Variants in SLC30A5 observed in about 807,000 individuals in gnomAD.
SLC30A5 encodes solute carrier family 30 member 5.
Under a neutral mutation model 79.6 loss-of-function variants are expected in SLC30A5, and 33 were observed. The observed-to-expected ratio is 0.41, with a 90% CI of 0.31 to 0.55. SLC30A5 has a LOEUF of 0.55. SLC30A5 is among the 20% of genes least tolerant of loss of function. The pLI is 0.20. For synonymous variants in SLC30A5, 299 were observed against 319.7 expected (o/e 0.94, Z 0.69); for missense variants, 788 against 928.1 (o/e 0.85, Z 1.96).
At position 69,113,165 on chromosome 5, in the gene SLC30A5, T is replaced by C; in HGVS notation, c.473T>C (p.Ile158Thr). 6.2e-7 allele frequency: 1 copy of C among 1,613,200 alleles called. No individual in the cohort carries two copies. Residue 158 changes from isoleucine (I) to threonine (T), a missense_variant, in exon 6 of 16, where the codon ATT becomes ACT. Ile to Thr is a moderately conservative substitution (Grantham distance 89). Coordinates refer to ENST00000396591, the MANE Select transcript of SLC30A5 (RefSeq NM_022902.5). Reference sequence around the variant, plus strand: ...ACAAGGGGAGCTGCTTTTTTCATTATTGCTGTGATCTGTTTATTGCTTTTT... The same window carrying C: ...ACAAGGGGAGCTGCTTTTTTCATTACTGCTGTGATCTGTTTATTGCTTTTT... ...AKTRGAAFFI[I>T]AVICLLLFDN...
chr5:69,115,846 T>A, intron 8 of SLC30A5, 80 bp from the exon 9 acceptor site: 1 of 1,218,398 alleles, frequency 8.2e-7, no homozygotes, highest in Non-Finnish European at 1.2e-6. Flanking sequence ...TTTATTTTTT[T>A]AAAAGATTAA....
chr5:69,116,131 C>T lies in SLC30A5; in HGVS notation c.989C>T (p.Ala330Val). Residue 330 changes from alanine (A) to valine (V), a missense_variant, in exon 9 of 16, where the codon GCT becomes GTT. Ala to Val is a moderately conservative substitution (Grantham distance 64). Coordinates refer to ENST00000396591, the MANE Select transcript of SLC30A5 (RefSeq NM_022902.5). This position sits in a 1 kb window ranked among gnomAD's most constrained non-coding sequence, Gnocchi z 4.0. ...WTHPITDQLR[A>V]MNKAAHQEST... ...CATCCAATAACAGACCAGCTTCGGG[C>T]TATGAACAAAGCAGCACACCAGGAG... is the stretch of plus-strand genomic sequence containing the variant. 6.2e-7 allele frequency: 1 copy of T among 1,614,128 alleles called. No individual in the cohort carries two copies. The highest frequency in any genetic ancestry group is 8.5e-7 in the Non-Finnish European group (1 of 1,180,020).
chr5:69,115,229 A>C lies in SLC30A5; in HGVS notation c.613-8A>C. Reference sequence around the variant, plus strand: ...TTTCTAATGAGACTTATCTAATTTTACTCACAGGGTGGAGTATTATTGCTA... The same window carrying C: ...TTTCTAATGAGACTTATCTAATTTTCCTCACAGGGTGGAGTATTATTGCTA... On this transcript the variant is annotated splice_polypyrimidine_tract_variant and splice_region_variant and intron_variant, in intron 7 of 15. Coordinates refer to ENST00000396591, the MANE Select transcript of SLC30A5 (RefSeq NM_022902.5). 1 of 1,600,822 alleles carries C rather than the reference A, an allele frequency of 6.2e-7. No homozygotes were observed. Among genetic ancestry groups the C allele is most frequent in the Non-Finnish European group, 8.5e-7 (1 of 1,170,848 alleles).
chr5:69,121,402 C>T (rs1746529606), intron 12 of SLC30A5, among the ~76,000 whole-genome samples: 1 of 152,122 alleles, frequency 6.6e-6, no homozygotes, highest in Admixed American at 6.5e-5. Context: ...AACTTTGCAT[C>T]ATTTATTTAT....
intron 13 of SLC30A5, among the ~76,000 whole-genome samples, chr5:69,122,524 G>A (rs1340834012): frequency 1.3e-5 from 2 of 152,130 alleles, no homozygotes; most frequent in Admixed American, 6.5e-5. Flanking sequence ...TGTGGTGGCA[G>A]GCGCCTGTAG....
intron 15 of SLC30A5, 94 bp from the exon 16 acceptor site, chr5:69,129,353 T>C: frequency 3.4e-6 from 3 of 870,322 alleles, no homozygotes; most frequent in Non-Finnish European, 5.1e-6. Flanking sequence ...AGATTAAAGA[T>C]ACTCAACCCG....
chr5:69,106,757 T>TA (rs1234377025), intron 4 of SLC30A5, among the ~76,000 whole-genome samples: 2 of 152,218 alleles, frequency 1.3e-5, no homozygotes, highest in African/African-American at 2.4e-5. Context: ...TAGCATACTT[T>TA]ACTCTTTTGT....
chr5:69,100,612 TAAAAA>T (rs33982147), intron 1 of SLC30A5, among the ~76,000 whole-genome samples, 190 bp from the exon 2 acceptor site: 10 of 134,462 alleles, frequency 7.4e-5, no homozygotes, highest in Admixed American at 1.5e-4. Flanking sequence ...CTCTATGAGT[TAAAAA>T]AAAAAAAAAA....
At position 69,100,808 on chromosome 5, in the gene SLC30A5, T is replaced by C. The variant is rs761705983; in HGVS notation, c.85T>C (p.Leu29=). 6.3e-7 allele frequency: 1 copy of C among 1,586,770 alleles called. No individual in the cohort carries two copies. The highest frequency in any genetic ancestry group is 8.6e-7 in the Non-Finnish European group (1 of 1,165,066). Residue 29 remains leucine, a splice_region_variant and synonymous_variant, in exon 2 of 16, where the codon TTA becomes CTA. Coordinates refer to ENST00000396591, the MANE Select transcript of SLC30A5 (RefSeq NM_022902.5). ...LGPVDVPSAR[L]TKYIVLLCFT... ...ATTGTTTCTGCTTTTATTTTTCAGA[T>C]TAACAAAATATATTGTGTTACTATG... is the stretch of plus-strand genomic sequence containing the variant.
chr5:69,130,121 TTAAATG>T lies in SLC30A5; in HGVS notation c.*509_*514del, dbSNP rs1746812203. ...ATTAAGTAAAATCTGTATTGCCACT[TTAAATG>T]TAAACTAAATTATTTGGGAGAAACT... On this transcript the variant is annotated 3_prime_UTR_variant, in exon 16 of 16. Coordinates refer to ENST00000396591, the MANE Select transcript of SLC30A5 (RefSeq NM_022902.5). The T allele has an allele frequency of 6.6e-6, 1 of 152,188 alleles. No homozygotes were observed. The highest frequency in any genetic ancestry group is 1.5e-5 in the Non-Finnish European group (1 of 68,016). The allele number at this position is 152,188 out of a possible 1,614,324, so 9.4% of individuals were successfully genotyped here.
intron 1 of SLC30A5, among the ~76,000 whole-genome samples, chr5:69,097,017 A>C (rs944982931): frequency 1.3e-5 from 2 of 150,638 alleles, no homozygotes; most frequent in Non-Finnish European, 3.0e-5. Flanking sequence ...CAACAACAAC[A>C]AAAAAAAAGT....
intron 13 of SLC30A5, 89 bp from the exon 14 acceptor site, chr5:69,123,110 G>A (rs1746578936): frequency 2.4e-6 from 2 of 830,108 alleles, no homozygotes; most frequent in African/African-American, 3.4e-5. Flanking sequence ...GTGGTGCACA[G>A]TAGGTATCCA....
intron 4 of SLC30A5, among the ~76,000 whole-genome samples, chr5:69,105,139 T>A (rs922133880): frequency 6.6e-6 from 1 of 152,194 alleles, no homozygotes; most frequent in Non-Finnish European, 1.5e-5. Flanking sequence ...CATAAATAAA[T>A]GTCTCAGAAG....
intron 12 of SLC30A5, among the ~76,000 whole-genome samples, chr5:69,119,237 TTTTC>T (rs1746471672): frequency 1.3e-5 from 2 of 152,096 alleles, no homozygotes; most frequent in South Asian, 4.2e-4. Context: ...ACTTTTTTTC[TTTTC>T]TTTTTTTCTT....
chr5:69,101,056 C>A, intron 2 of SLC30A5, 127 bp downstream of exon 2: 1 of 871,940 alleles, frequency 1.1e-6, no homozygotes, highest in South Asian at 2.8e-5. Flanking sequence ...ATTTGATAAA[C>A]TTTTTTAACT....
At chr5:69,121,935 T>C in intron 13 of SLC30A5, 40 bp downstream of exon 13, 2 of 1,502,478 alleles carry the variant, frequency 1.3e-6, no homozygotes, top group Admixed American at 1.8e-5. Flanking sequence ...TTCAACTGTG[T>C]TCTAAATCAA....
At chr5:69,110,192 A>G (rs1746195366) in intron 5 of SLC30A5, among the ~76,000 whole-genome samples, 1 of 152,156 alleles carries the variant, frequency 6.6e-6, no homozygotes, top group Non-Finnish European at 1.5e-5. Context: ...TTCAGCCAAA[A>G]TATCCTTCAA....
rs1442669909 is a variant in SLC30A5, at chr5:69,129,993, T to C, written c.*376T>C. On this transcript the variant is annotated 3_prime_UTR_variant, in exon 16 of 16. Transcript: ENST00000396591. ...ATTACAAAGACCCAAATGAAAAATTTTTAGTCCATTTTTTGCATAGCCTAA... is the reference window on the plus strand; with the variant it reads ...ATTACAAAGACCCAAATGAAAAATTCTTAGTCCATTTTTTGCATAGCCTAA... 2 of 154,090 alleles carry C rather than the reference T, an allele frequency of 1.3e-5. No individual in the cohort carries two copies. The highest frequency in any genetic ancestry group is 1.3e-4 in the Admixed American group (2 of 15,342). The allele number at this position is 154,090 out of a possible 1,614,324, so 9.5% of individuals were successfully genotyped here. A position where few individuals can be genotyped will look rare whatever the true frequency, so the allele number is the denominator to read the frequency against.
chr5:69,127,545 G>A (rs1288363464), intron 14 of SLC30A5, among the ~76,000 whole-genome samples: 2 of 151,998 alleles, frequency 1.3e-5, no homozygotes, highest in Non-Finnish European at 2.9e-5. Context: ...TTGGGAGGCT[G>A]AGGCAGGAGA....
Sources: allele counts gnomAD v4.1 joint callset (sites outside exome capture counted in the v4.1 genomes callset), GRCh38; gene constraint gnomAD v4.1.1; non-coding constraint Gnocchi (gnomAD v3.1); transcripts MANE v1.5; gene names NCBI Gene and HGNC (gene_info 2026-07-23, HGNC 2026-07-21).